The following MROH7 variants were observed in gnomAD, a reference collection of about 807,000 sequenced individuals.
MROH7 encodes maestro heat-like repeat-containing protein family member 7.
In MROH7, 113 loss-of-function variants were observed where a neutral mutation model predicts 129.2. That is an observed-to-expected ratio of 0.87 (90% CI 0.75 to 1.02). The LOEUF is 1.02. MROH7 is among the 50% of genes least tolerant of loss of function. MROH7 has a pLI of 0.00. For synonymous variants in MROH7, 655 were observed against 667.9 expected, an observed-to-expected ratio of 0.98 and a Z score of 0.30; for missense variants, 1,601 against 1,671.3, an observed-to-expected ratio of 0.96 and a Z score of 0.73.
At position 54,673,083 on chromosome 1, in the gene MROH7, ATCCACAGGCTCT is replaced by A; in HGVS notation, c.1600-6_1605del. 1.2e-6 allele frequency: 2 copies of A among 1,611,476 alleles called. No individual in the cohort carries two copies. Among genetic ancestry groups the A allele is most frequent in the Non-Finnish European group, 1.7e-6 (2 of 1,178,124 alleles). On this transcript the variant is annotated splice_acceptor_variant and splice_polypyrimidine_tract_variant and coding_sequence_variant and intron_variant, in exon 8 of 24. Coordinates refer to ENST00000421030, the MANE Select transcript of MROH7 (RefSeq NM_001039464.4). LOFTEE classifies it high-confidence loss of function. ...GCCTTAGTGGCTTGGTCCTCCTCCC[ATCCACAGGCTCT>A]TTACCATCAGACCCTGGAGGCCCTG...
rs376064824 is a variant in MROH7 at position 54,678,637 on chromosome 1, G to A, written c.1937-105G>A. ...CTGGCTACAATGGTGTGTTCACTAT[G>A]TGAAAATGTATCAAGTTAGTTCCTT... On this transcript the variant is annotated intron_variant, in intron 10 of 23. Transcript: ENST00000421030. 280 of 772,992 alleles carry A rather than the reference G, an allele frequency of 3.6e-4. No individual in the cohort carries two copies. In the African/African-American group the frequency reaches 4.2e-3, roughly 12 times the overall value. 47.9% of individuals were successfully genotyped at this position (772,992 alleles called of 1,614,324 possible).
chr1:54,680,992 T>TA (rs1424504466), intron 13 of MROH7, among the ~76,000 whole-genome samples: 1 of 152,000 alleles, frequency 6.6e-6, no homozygotes, highest in East Asian at 1.9e-4. Flanking sequence ...CTCATAAGAC[T>TA]ACTGGGGGCC....
At chr1:54,675,393 T>C (rs541683810) in intron 10 of MROH7, among the ~76,000 whole-genome samples, 1 of 152,328 alleles carries the variant, frequency 6.6e-6, no homozygotes, top group East Asian at 1.9e-4. Flanking sequence ...TCCTATCCCT[T>C]CAAGCTTTTG....
In MROH7 at chr1:54,704,555, C is replaced by T. The variant is rs369818349; in HGVS notation, c.3564+1810C>T. ...GGGGGTTCAAGAGATTCTCCTGCAT[C>T]GGCCTCCCAAGTAGCTGGAATTATA... On this transcript the variant is annotated intron_variant, in intron 21 of 23. Coordinates refer to ENST00000421030, the MANE Select transcript of MROH7 (RefSeq NM_001039464.4). Among the ~76,000 whole-genome samples, 81 of 150,058 alleles carry T rather than the reference C, an allele frequency of 5.4e-4. No individual in the cohort carries two copies. The South Asian group carries it at 0.012, about 23-fold the overall frequency.
chr1:54,671,608 A>G (rs914228520), intron 7 of MROH7, among the ~76,000 whole-genome samples: 5 of 152,152 alleles, frequency 3.3e-5, no homozygotes, highest in African/African-American at 1.2e-4. Flanking sequence ...AGCATCTTCA[A>G]ACCTCTCCAG....
intron 15 of MROH7, among the ~76,000 whole-genome samples, chr1:54,687,384 CTT>C (rs548428959): frequency 1.3e-5 from 2 of 152,230 alleles, no homozygotes; most frequent in African/African-American, 4.8e-5. Context: ...TGAGCTGTCT[CTT>C]TATTTTTAAC....
At chr1:54,657,402 AG>A (rs1644666390) in intron 3 of MROH7, among the ~76,000 whole-genome samples, 1 of 152,026 alleles carries the variant, frequency 6.6e-6, no homozygotes, top group Non-Finnish European at 1.5e-5. Context: ...TTTTAGGGTC[AG>A]GGTCTCACTC....
At chr1:54,697,468 G>A in intron 17 of MROH7, 2 of 518,224 alleles carry the variant, frequency 3.9e-6, no homozygotes, top group Non-Finnish European at 3.5e-6. Context: ...CACCTCCAGG[G>A]AGAGCAAACC....
chr1:54,651,816 G>C (rs61768767), intron 1 of MROH7, 133 bp from the exon 2 acceptor site: 44 of 86,388 alleles, frequency 5.1e-4, no homozygotes, highest in South Asian at 5.0e-3. Flanking sequence ...CTCTCTGTGT[G>C]TGTGTGTTTG....
intron 16 of MROH7, among the ~76,000 whole-genome samples, chr1:54,694,284 T>G (rs1645286363): frequency 6.6e-6 from 1 of 152,266 alleles, no homozygotes; most frequent in South Asian, 2.1e-4. Flanking sequence ...GGGCCAGGAT[T>G]TGAACCCAGC....
At chr1:54,680,144 C>T (rs1339137119) in intron 13 of MROH7, 99 bp downstream of exon 13, 2 of 1,114,734 alleles carry the variant, frequency 1.8e-6, no homozygotes, top group East Asian at 4.8e-5. Context: ...AGCCCCTCGC[C>T]CTCCCAGATG....
chr1:54,657,419 C>A (rs967196350), intron 3 of MROH7, among the ~76,000 whole-genome samples: 1 of 152,102 alleles, frequency 6.6e-6, no homozygotes, highest in Non-Finnish European at 1.5e-5. Context: ...CACTCTGTCA[C>A]ACAGGCTGGA....
At chr1:54,670,750 C>T in intron 6 of MROH7, 50 bp from the exon 7 acceptor site, 1 of 1,602,974 alleles carries the variant, frequency 6.2e-7, no homozygotes, top group Non-Finnish European at 8.5e-7. Context: ...CGTCTATAGC[C>T]ATAGGGCCCC....
chr1:54,702,967 C>T (rs1645464294), intron 21 of MROH7, among the ~76,000 whole-genome samples: 1 of 152,162 alleles, frequency 6.6e-6, no homozygotes, highest in East Asian at 1.9e-4. Flanking sequence ...ATCACGGGCA[C>T]TTCAAGCTCA....
intron 1 of MROH7, among the ~76,000 whole-genome samples, chr1:54,645,430 C>A (rs771406870): frequency 6.6e-6 from 1 of 151,802 alleles, no homozygotes; most frequent in Admixed American, 6.6e-5. Flanking sequence ...CAGGTATGCA[C>A]CACCATGTCC....
At chr1:54,664,024 C>T in intron 3 of MROH7, 1 of 302,734 alleles carries the variant, frequency 3.3e-6, no homozygotes. Context: ...CCCCTCAACT[C>T]CCTTAAATAA....
In MROH7 at chr1:54,666,536, G is replaced by A. The variant is rs559061339; in HGVS notation, c.1305+1296G>A. ...TGCAGCCTTAACTTCCCAGGCTTAC[G>A]CAATCCTCCCATCTCAGCCTCCTGA... On this transcript the variant is annotated intron_variant, in intron 4 of 23. Transcript: ENST00000421030. 9.7e-5 allele frequency among the ~76,000 whole-genome samples: 14 copies of A among 143,674 alleles called. No individual in the cohort carries two copies. The East Asian group carries it at 1.5e-3, about 15-fold the overall frequency. The allele number at this position is 143,674 out of a possible 152,430, so 94.3% of individuals were successfully genotyped here. A position where few individuals can be genotyped will look rare whatever the true frequency, so the allele number is the denominator to read the frequency against.
intron 7 of MROH7, 61 bp downstream of exon 7, chr1:54,670,990 G>A (rs1222586217): frequency 1.8e-5 from 28 of 1,515,220 alleles, no homozygotes; most frequent in Non-Finnish European, 2.5e-5. Flanking sequence ...AGGAGATATG[G>A]AGCTGCATCC....
chr1:54,686,772 A>AT (rs1645155238), intron 15 of MROH7, among the ~76,000 whole-genome samples: 1 of 152,092 alleles, frequency 6.6e-6, no homozygotes, highest in Non-Finnish European at 1.5e-5. Context: ...CAAATACTTT[A>AT]TTTTTAATTA....
Sources: allele counts gnomAD v4.1 joint callset (sites outside exome capture counted in the v4.1 genomes callset), GRCh38; gene constraint gnomAD v4.1.1; transcripts MANE v1.5; gene names NCBI Gene and HGNC (gene_info 2026-07-23, HGNC 2026-07-21).